Variants in QSER1 observed in about 807,000 individuals in gnomAD.
QSER1 encodes glutamine and serine rich 1, also known as glutamine and serine-rich protein 1.
QSER1 carries 49 observed loss-of-function variants against 158.5 expected under a neutral mutation model. That is an observed-to-expected ratio of 0.31 (90% CI 0.25 to 0.39). The LOEUF is 0.39. QSER1 is among the 10% of genes least tolerant of loss of function. QSER1 has a pLI of 1.00. For missense variants in QSER1, 1,754 were observed against 2,010.3 expected, an observed-to-expected ratio of 0.87 and a Z score of 2.44; for synonymous variants, 650 against 715.5, an observed-to-expected ratio of 0.91 and a Z score of 1.46.
intron 3 of QSER1, among the ~76,000 whole-genome samples, 198 bp from the exon 4 acceptor site, chr11:32,931,545 C>T (rs565735524): frequency 5.4e-4 from 81 of 148,882 alleles, no homozygotes; most frequent in African/African-American, 2.0e-3. Flanking sequence ...GACCCTGTCT[C>T]TTAAAAAAAA....
At chr11:32,900,902 A>G (rs961773781) in intron 1 of QSER1, among the ~76,000 whole-genome samples, 3 of 152,194 alleles carry the variant, frequency 2.0e-5, no homozygotes, top group Non-Finnish European at 4.4e-5. Flanking sequence ...TTACCTCTTC[A>G]GAGCATTCTC....
At chr11:32,920,707 GTAGACACTTGTC>G (rs1480998745) in intron 1 of QSER1, among the ~76,000 whole-genome samples, 3 of 152,188 alleles carry the variant, frequency 2.0e-5, no homozygotes, top group African/African-American at 4.8e-5. Context: ...AAGCATGTGA[GTAGACACTTGTC>G]CAAAGAAGAT....
At chr11:32,955,011 G>T (rs1852487500) in intron 5 of QSER1, among the ~76,000 whole-genome samples, 1 of 152,196 alleles carries the variant, frequency 6.6e-6, no homozygotes, top group African/African-American at 2.4e-5. Context: ...AATTGCATAT[G>T]TAACATAGGA....
At position 32,971,132 on chromosome 11, in the gene QSER1, G is replaced by T. The variant is rs994613879; in HGVS notation, c.5205+1989G>T. 2.0e-4 allele frequency among the ~76,000 whole-genome samples: 31 copies of T among 151,346 alleles called. 1 individual carries two copies. The highest frequency in any genetic ancestry group is 2.7e-4 in the Non-Finnish European group (18 of 67,862). On this transcript the variant is annotated intron_variant, in intron 10 of 12. Coordinates refer to ENST00000650167, the MANE Select transcript of QSER1 (RefSeq NM_001076786.3). ...AGGATTTCACCATGTTGGCCAGGCT[G>T]GTCTTGAACTCCTGACTTCAAGTGA...
In QSER1 at chr11:32,931,973, C is replaced by T; in HGVS notation, c.715C>T (p.Pro239Ser). ...LQIKTSQGTVPTALAFERLGS... is the reference protein window; with the variant it reads ...LQIKTSQGTVSTALAFERLGS... ...AATCAAGACTTCCCAGGGAACTGTT[C>T]CAACTGCTTTGGCATTTGAGCGCCT... is the stretch of plus-strand genomic sequence containing the variant. Residue 239 changes from proline to serine, a missense_variant, in exon 4 of 13, where the codon CCA becomes TCA. Coordinates refer to ENST00000650167, the MANE Select transcript of QSER1 (RefSeq NM_001076786.3). 1 of 1,614,188 alleles carries T rather than the reference C, an allele frequency of 6.2e-7. No homozygotes were observed. Among genetic ancestry groups the T allele is most frequent in the Non-Finnish European group, 8.5e-7 (1 of 1,180,014 alleles).
chr11:32,943,389 T>C (rs1230764066), intron 4 of QSER1, among the ~76,000 whole-genome samples: 2 of 151,682 alleles, frequency 1.3e-5, no homozygotes, highest in Admixed American at 6.6e-5. Context: ...ATAGCTCTTA[T>C]TATTTTGAAA....
chr11:32,929,300 CG>C (rs1356917037), intron 3 of QSER1, among the ~76,000 whole-genome samples: 2 of 151,550 alleles, frequency 1.3e-5, no homozygotes, highest in African/African-American at 4.8e-5. Context: ...TTAGTAGAGA[CG>C]GGGTTTCACC....
chr11:32,911,547 T>G (rs1590715395), intron 1 of QSER1, among the ~76,000 whole-genome samples: 1 of 152,214 alleles, frequency 6.6e-6, no homozygotes, highest in African/African-American at 2.4e-5. Flanking sequence ...AATCCCCACA[T>G]GTCAAGGGAG....
At chr11:32,924,877 C>T (rs563214060) in intron 1 of QSER1, among the ~76,000 whole-genome samples, 1 of 152,238 alleles carries the variant, frequency 6.6e-6, no homozygotes, top group African/African-American at 2.4e-5. Context: ...CCAGTCCTTA[C>T]CCCCTTCTTC....
chr11:32,938,207 T>C (rs1852180340), intron 4 of QSER1, among the ~76,000 whole-genome samples: 1 of 152,202 alleles, frequency 6.6e-6, no homozygotes, highest in African/African-American at 2.4e-5. Context: ...ACAGTCAGTA[T>C]ATAGTAACCT....
chr11:32,948,473 A>G (rs1590175302), intron 4 of QSER1, among the ~76,000 whole-genome samples: 1 of 152,160 alleles, frequency 6.6e-6, no homozygotes, highest in East Asian at 1.9e-4. Flanking sequence ...AAAAAACAAA[A>G]AAACAGTTAG....
intron 11 of QSER1, among the ~76,000 whole-genome samples, 162 bp downstream of exon 11, chr11:32,973,711 G>C (rs1852915507): frequency 6.6e-6 from 1 of 152,212 alleles, no homozygotes; most frequent in African/African-American, 2.4e-5. Context: ...AGGGACGCAT[G>C]GTGGTTTATT....
At chr11:32,928,251 G>T in intron 3 of QSER1, 128 bp downstream of exon 3, 8 of 606,308 alleles carry the variant, frequency 1.3e-5, no homozygotes, top group South Asian at 7.0e-5. Flanking sequence ...TTTAAGACCT[G>T]GAATTTTTCA....
At chr11:32,922,544 G>A (rs1283998992) in intron 1 of QSER1, among the ~76,000 whole-genome samples, 1 of 148,400 alleles carries the variant, frequency 6.7e-6, no homozygotes, top group Non-Finnish European at 1.5e-5. Context: ...GAGTGCAGTG[G>A]TGTGATCTCG....
chr11:32,963,985 T>A (rs1852677328), intron 8 of QSER1, among the ~76,000 whole-genome samples: 1 of 152,140 alleles, frequency 6.6e-6, no homozygotes, highest in Non-Finnish European at 1.5e-5. Flanking sequence ...GTTCTGGTTG[T>A]TAATTAAGAG....
rs186491794 is a variant in QSER1 at position 32,930,846 on chromosome 11, A to G, written c.485-897A>G. Among the ~76,000 whole-genome samples, 4 of 152,292 alleles carry G rather than the reference A, an allele frequency of 2.6e-5. No homozygotes were observed. In the East Asian group the frequency reaches 7.7e-4, roughly 29 times the overall value. On this transcript the variant is annotated intron_variant, in intron 3 of 12. Transcript: ENST00000650167. ...GGGTAAACCCATTTTTACTTTTGCT[A>G]TATGTGGCTAAAATGCTGTCCTGAA...
In QSER1 at chr11:32,893,102, C is replaced by A; in HGVS notation, c.-24C>A. 2 of 137,864 alleles carry A rather than the reference C, an allele frequency of 1.5e-5. No individual in the cohort carries two copies. The highest frequency in any genetic ancestry group is 3.9e-4 in the South Asian group (2 of 5,068). 8.5% of individuals were successfully genotyped at this position (137,864 alleles called of 1,614,324 possible). Reference sequence around the variant, plus strand: ...CCCTGGAGGATCCCCCGCTGCTGCCCGCCCTCCCTACGCCACCCCCACGAT... The same window carrying A: ...CCCTGGAGGATCCCCCGCTGCTGCCAGCCCTCCCTACGCCACCCCCACGAT... On this transcript the variant is annotated 5_prime_UTR_variant, in exon 1 of 13. Transcript: ENST00000650167. This position sits in a 1 kb window ranked among gnomAD's most constrained non-coding sequence, Gnocchi z 4.7.
chr11:32,956,353 G>T (rs1852511979), intron 7 of QSER1, among the ~76,000 whole-genome samples: 1 of 151,968 alleles, frequency 6.6e-6, no homozygotes, highest in Non-Finnish European at 1.5e-5. Context: ...AGTCCTTTTG[G>T]TGTCATCCCA....
chr11:32,963,779 C>G (rs181874193), intron 8 of QSER1, among the ~76,000 whole-genome samples: 2 of 152,182 alleles, frequency 1.3e-5, no homozygotes, highest in Non-Finnish European at 2.9e-5. Flanking sequence ...CTTCTCACCT[C>G]GGTCCCCCAA....
Sources: gnomAD v4.1 joint callset for allele counts (sites outside exome capture counted in the v4.1 genomes callset) on GRCh38, gnomAD v4.1.1 for gene constraint, Gnocchi (gnomAD v3.1) non-coding constraint, MANE v1.5 for transcripts, NCBI Gene and HGNC (gene_info 2026-07-23, HGNC 2026-07-21) for gene names.